The following TMEM9 variants were observed in gnomAD, a reference collection of about 807,000 sequenced individuals.
The protein encoded by TMEM9 is transmembrane protein 9, also known as proton-transporting V-type ATPase complex assembly regulator TMEM9.
Under a neutral mutation model 22.8 loss-of-function variants are expected in TMEM9, and 13 were observed. The ratio of observed to expected loss-of-function variants is 0.57; its 90% CI spans 0.37 to 0.91. The LOEUF (loss-of-function observed/expected upper bound fraction) is 0.91, where lower values mean the gene tolerates loss of function less well. Ranked by LOEUF, TMEM9 falls within the 40% of genes least tolerant of loss-of-function variation. The probability of loss-of-function intolerance (pLI) is 0.01; values close to 1 mark genes in which losing one functional copy is unlikely to be tolerated. For missense variants in TMEM9, 182 were observed against 238.1 expected (o/e 0.76, Z 1.55); for synonymous variants, 88 against 93.0 (o/e 0.95, Z 0.31).
intron 1 of TMEM9, 83 bp downstream of exon 1, chr1:201,153,775 C>G: frequency 1.3e-6 from 2 of 1,594,654 alleles, no homozygotes; most frequent in Non-Finnish European, 1.7e-6. Flanking sequence ...TAAGGAGCAG[C>G]TGGCTACCTC....
chr1:201,149,248 G>C (rs1048077867), intron 2 of TMEM9, among the ~76,000 whole-genome samples: 6 of 152,200 alleles, frequency 3.9e-5, no homozygotes, highest in Admixed American at 3.9e-4. Context: ...TTTATAAATG[G>C]AGACTGAACT....
At position 201,154,004 on chromosome 1, in the gene TMEM9, C is replaced by T. The variant is rs1665646727; in HGVS notation, c.-81G>A. ...GTCGGAGAAGGGGAAGGTGGCCACA[C>T]CGCAGCCAGCACGCTAGGCCCTTAA... On this transcript the variant is annotated 5_prime_UTR_variant, in exon 1 of 5. The change creates a new upstream start codon in the 5' untranslated region. Transcript: ENST00000367330. 2 of 1,504,508 alleles carry T rather than the reference C, an allele frequency of 1.3e-6. No homozygotes were observed. Among genetic ancestry groups the T allele is most frequent in the African/African-American group, 1.4e-5 (1 of 72,052 alleles). The allele number at this position is 1,504,508 out of a possible 1,614,324, so 93.2% of individuals were successfully genotyped here. A position where few individuals can be genotyped will look rare whatever the true frequency, so the allele number is the denominator to read the frequency against.
upstream of TMEM9, among the ~76,000 whole-genome samples, chr1:201,157,911 T>C (rs1051439901): frequency 6.6e-6 from 1 of 152,182 alleles, no homozygotes; most frequent in African/African-American, 2.4e-5. Context: ...CACATCCTAA[T>C]CCCTGGAACT....
intron 4 of TMEM9, among the ~76,000 whole-genome samples, chr1:201,136,277 C>T (rs1404037053): frequency 3.3e-5 from 5 of 152,182 alleles, no homozygotes; most frequent in Admixed American, 1.3e-4. Context: ...AGCAATGCAC[C>T]GAGGTGCCCC....
chr1:201,143,792 A>G, intron 4 of TMEM9, 28 bp downstream of exon 4: 1 of 1,612,076 alleles, frequency 6.2e-7, no homozygotes, highest in East Asian at 2.2e-5. Context: ...GCAGGGACCC[A>G]GGGCCTGGGC....
At chr1:201,148,859 ACTGCTTTCAGGCCTTGCATG>A (rs551768313) in intron 2 of TMEM9, among the ~76,000 whole-genome samples, 412 of 152,338 alleles carry the variant, frequency 2.7e-3, no homozygotes, top group African/African-American at 8.6e-3. Context: ...AACCGGAAGT[ACTGCTTTCAGGCCTTGCATG>A]CTGCTTCCGC....
Position 201,137,312 on chromosome 1 carries a change from G to T in TMEM9, c.400-1497C>A, listed in dbSNP as rs76712650. ...CCAGGTGGAACTACAGATCCACAGCGGGGGCTGGGAAGGAGACATGGCCTC... is the reference window on the plus strand; with the variant it reads ...CCAGGTGGAACTACAGATCCACAGCTGGGGCTGGGAAGGAGACATGGCCTC... On this transcript the variant is annotated intron_variant, in intron 4 of 4. Coordinates refer to ENST00000367330, the MANE Select transcript of TMEM9 (RefSeq NM_001288565.2). Among the ~76,000 whole-genome samples, 547 of 152,326 alleles carry T rather than the reference G, an allele frequency of 3.6e-3. 2 individuals are homozygous for T. The highest frequency in any genetic ancestry group is 6.9e-3 in the Non-Finnish European group (469 of 68,034).
At chr1:201,153,776 T>A in intron 1 of TMEM9, 82 bp downstream of exon 1, 1 of 1,596,362 alleles carries the variant, frequency 6.3e-7, no homozygotes, top group East Asian at 2.3e-5. Flanking sequence ...AAGGAGCAGC[T>A]GGCTACCTCT....
chr1:201,137,352 C>T (rs904276900), intron 4 of TMEM9, among the ~76,000 whole-genome samples: 1 of 152,174 alleles, frequency 6.6e-6, no homozygotes, highest in Non-Finnish European at 1.5e-5. Flanking sequence ...ACTTATGAGG[C>T]TATGTGTCCC....
chr1:201,154,066 C>G lies in TMEM9; in HGVS notation c.-143G>C. On this transcript the variant is annotated 5_prime_UTR_variant, in exon 1 of 5. Transcript: ENST00000367330. ...AGTGGGAATGGGGTTGGGGGCTGGG[C>G]TCCAGGATTCCAAGGCCTGCTAAAC... The G allele has an allele frequency of 1.0e-6, 1 of 979,142 alleles. No individual in the cohort carries two copies. The highest frequency in any genetic ancestry group is 1.5e-6 in the Non-Finnish European group (1 of 682,162). The allele number at this position is 979,142 out of a possible 1,614,324, so 60.7% of individuals were successfully genotyped here. A position where few individuals can be genotyped will look rare whatever the true frequency, so the allele number is the denominator to read the frequency against.
chr1:201,155,760 T>C (rs796886464), upstream of TMEM9, among the ~76,000 whole-genome samples: 10 of 152,308 alleles, frequency 6.6e-5, no homozygotes, highest in African/African-American at 2.4e-4. Context: ...TGGAAGTCTT[T>C]GGAATCCTTT....
intron 2 of TMEM9, among the ~76,000 whole-genome samples, chr1:201,148,824 G>A (rs1665200948): frequency 6.6e-6 from 1 of 152,212 alleles, no homozygotes; most frequent in African/African-American, 2.4e-5. Flanking sequence ...GTTATTCCCT[G>A]CTCTGAGCAG....
chr1:201,149,281 A>T (rs1665235669), intron 2 of TMEM9, among the ~76,000 whole-genome samples: 1 of 151,670 alleles, frequency 6.6e-6, no homozygotes, highest in Non-Finnish European at 1.5e-5. Flanking sequence ...TTCAAACTGT[A>T]CTCTTTTGGG....
At chr1:201,166,038 C>T (rs1389489439) in intron 1 of TMEM9, among the ~76,000 whole-genome samples, 1 of 152,190 alleles carries the variant, frequency 6.6e-6, no homozygotes, top group Non-Finnish European at 1.5e-5. Context: ...TGCAAGTTAG[C>T]TCACTGCAAC....
At chr1:201,157,424 T>C (rs1096598), upstream of TMEM9, among the ~76,000 whole-genome samples, 146,931 of 152,302 alleles carry the variant, frequency 0.96, 70,915 homozygotes, top group African/African-American at 0.98. Flanking sequence ...CCAGCATTCC[T>C]CCGTGCAAGC....
At chr1:201,148,505 G>A (rs1401323636) in intron 2 of TMEM9, among the ~76,000 whole-genome samples, 1 of 152,210 alleles carries the variant, frequency 6.6e-6, no homozygotes, top group Non-Finnish European at 1.5e-5. Context: ...GCTCTGTCCT[G>A]GCTCTGCCAC....
At chr1:201,139,332 A>G (rs1664298374) in intron 4 of TMEM9, among the ~76,000 whole-genome samples, 1 of 152,234 alleles carries the variant, frequency 6.6e-6, no homozygotes, top group Non-Finnish European at 1.5e-5. Flanking sequence ...CCCTTCAGCA[A>G]GAGGACTATA....
At chr1:201,139,794 G>A (rs1403887021) in intron 4 of TMEM9, among the ~76,000 whole-genome samples, 1 of 152,232 alleles carries the variant, frequency 6.6e-6, no homozygotes, top group Non-Finnish European at 1.5e-5. Context: ...CAGTTATGCT[G>A]AGGTAAACAT....
In TMEM9 at chr1:201,146,725, A is replaced by C; in HGVS notation, c.267+15T>G. On this transcript the variant is annotated intron_variant, in intron 3 of 4. Coordinates refer to ENST00000367330, the MANE Select transcript of TMEM9 (RefSeq NM_001288565.2). The stretch of plus-strand genomic sequence containing the variant: ...GTGTGGGAATCCCACTGGCTTCCTG[A>C]GACCCTGGCGTTACCTTGATGGTGG... 1 of 1,613,376 alleles carries C rather than the reference A, an allele frequency of 6.2e-7. No individual in the cohort carries two copies.
Sources: gnomAD v4.1 joint callset for allele counts (sites outside exome capture counted in the v4.1 genomes callset) on GRCh38, gnomAD v4.1.1 for gene constraint, MANE v1.5 for transcripts, NCBI Gene and HGNC (gene_info 2026-07-23, HGNC 2026-07-21) for gene names.